The following APBA2 variants were observed in gnomAD, a reference collection of about 807,000 sequenced individuals.
APBA2 encodes amyloid beta precursor protein binding family A member 2.
Under a neutral mutation model 75.0 loss-of-function variants are expected in APBA2, and 30 were observed. The ratio of observed to expected loss-of-function variants is 0.40; its 90% CI spans 0.30 to 0.54. The LOEUF (loss-of-function observed/expected upper bound fraction) is 0.54. Ranked by LOEUF, APBA2 falls within the 20% of genes least tolerant of loss-of-function variation. The pLI, the probability that APBA2 is intolerant of heterozygous loss-of-function variation, is 0.49. For missense variants in APBA2, 801 were observed against 1,016.1 expected (o/e 0.79, Z 2.88); for synonymous variants, 444 against 409.6 (o/e 1.08, Z -1.01).
chr15:29,052,365 GA>G (rs2041636209), intron 3 of APBA2, among the ~76,000 whole-genome samples: 1 of 148,620 alleles, frequency 6.7e-6, no homozygotes, highest in African/African-American at 2.5e-5. Flanking sequence ...TGAGGCAGGA[GA>G]ATGGTGTGAA....
At chr15:28,970,793 A>T (rs913769145) in intron 2 of APBA2, among the ~76,000 whole-genome samples, 1 of 151,974 alleles carries the variant, frequency 6.6e-6, no homozygotes, top group South Asian at 2.1e-4. Context: ...AACAACAAGA[A>T]AAAACAAAGC....
chr15:28,940,884 A>G (rs901991314), intron 2 of APBA2, among the ~76,000 whole-genome samples: 2 of 152,186 alleles, frequency 1.3e-5, no homozygotes, highest in African/African-American at 4.8e-5. Context: ...TTAAAAGAGG[A>G]AAAAAACTAT....
rs2043736399 is a variant in APBA2, at chr15:29,094,302, A to C, written c.1240A>C (p.Lys414Gln). 1 of 1,614,226 alleles carries C rather than the reference A, an allele frequency of 6.2e-7. No homozygotes were observed. Among genetic ancestry groups the C allele is most frequent in the African/African-American group, 1.3e-5 (1 of 75,066 alleles). The part of the protein sequence containing the change: ...VKRMQKAAKI[K>Q]KKANSEGDAQ... ...GAGGATGCAAAAGGCTGCTAAGATC[A>C]AGAAAAAAGCGGTGTGTAGGGCCTT... The change falls in exon 8 of 15, where the codon AAG becomes CAG. Residue 414 changes from lysine (K) to glutamine (Q), a missense_variant. Transcript: ENST00000683413.
intron 2 of APBA2, among the ~76,000 whole-genome samples, chr15:28,936,085 A>G (rs184187108): frequency 1.1e-3 from 162 of 152,252 alleles, no homozygotes; most frequent in African/African-American, 3.4e-3. Flanking sequence ...AGGTTTTCCA[A>G]TCTAGTAGAA....
At chr15:28,958,457 G>A (rs952482250) in intron 2 of APBA2, among the ~76,000 whole-genome samples, 4 of 152,250 alleles carry the variant, frequency 2.6e-5, no homozygotes, top group Non-Finnish European at 5.9e-5. Flanking sequence ...AAAGTGTAGC[G>A]TTTTGGGATA....
At chr15:29,039,193 A>G (rs1456025000) in intron 3 of APBA2, among the ~76,000 whole-genome samples, 3 of 144,064 alleles carry the variant, frequency 2.1e-5, no homozygotes, top group African/African-American at 5.1e-5. Flanking sequence ...TTGCTTCCCT[A>G]AGGCCCACCA....
At chr15:28,947,921 TAAAG>T (rs1194126206) in intron 2 of APBA2, among the ~76,000 whole-genome samples, 2 of 152,226 alleles carry the variant, frequency 1.3e-5, no homozygotes, top group Non-Finnish European at 2.9e-5. Flanking sequence ...TATTTATAAA[TAAAG>T]CAGCTTTTCA....
At chr15:29,115,763 A>G (rs2045064791) in intron 14 of APBA2, among the ~76,000 whole-genome samples, 1 of 152,202 alleles carries the variant, frequency 6.6e-6, no homozygotes, top group Non-Finnish European at 1.5e-5. Context: ...TGCCGGGAGC[A>G]GGAGCAGCGG....
Position 28,918,544 on chromosome 15 carries a change from C to T in APBA2, c.-204-3096C>T, listed in dbSNP as rs1196495704. Among the ~76,000 whole-genome samples, 1 of 151,840 alleles carries T rather than the reference C, an allele frequency of 6.6e-6. No individual in the cohort carries two copies. The highest frequency in any genetic ancestry group is 1.5e-5 in the Non-Finnish European group (1 of 67,956). On this transcript the variant is annotated intron_variant, in intron 1 of 14. Coordinates refer to ENST00000683413, the MANE Select transcript of APBA2 (RefSeq NM_001353788.2). This position sits in a 1 kb window ranked among gnomAD's most constrained non-coding sequence, Gnocchi z 4.2. The stretch of plus-strand genomic sequence containing the variant: ...TCCACCAGCCTTCCCTTTGGTCGCC[C>T]CCTGGCGTCCGCGTCATTGTGGGAA...
Position 29,054,805 on chromosome 15 carries a change from A to G in APBA2, c.921A>G (p.Pro307=), listed in dbSNP as rs2041805583. The G allele has an allele frequency of 1.2e-6, 2 of 1,600,950 alleles. No individual in the cohort carries two copies. The highest frequency in any genetic ancestry group is 1.7e-6 in the Non-Finnish European group (2 of 1,179,898). ...QRGFKPKTRT[P]EERLKWPHEQ... Reference sequence around the variant, plus strand: ...GCTTCAAGCCCAAGACCAGGACCCCAGAAGAGAGGCTGAAGTGGCCCCACG... The same window carrying G: ...GCTTCAAGCCCAAGACCAGGACCCCGGAAGAGAGGCTGAAGTGGCCCCACG... The change falls in exon 4 of 15, where the codon CCA becomes CCG. Residue 307 remains proline, a synonymous_variant. Coordinates refer to ENST00000683413, the MANE Select transcript of APBA2 (RefSeq NM_001353788.2). This position sits in a 1 kb window ranked among gnomAD's most constrained non-coding sequence, Gnocchi z 6.1.
chr15:29,072,331 C>T (rs372095896), intron 4 of APBA2, among the ~76,000 whole-genome samples: 8 of 152,012 alleles, frequency 5.3e-5, no homozygotes, highest in African/African-American at 1.9e-4. Context: ...GGTAAAATAC[C>T]GACGTGTGCT....
intron 3 of APBA2, among the ~76,000 whole-genome samples, chr15:29,051,553 G>A (rs538377217): frequency 3.6e-4 from 55 of 152,126 alleles, no homozygotes; most frequent in Non-Finnish European, 6.9e-4. Context: ...ATCAGTAATT[G>A]TGCCCACACT....
rs1285510361 is a variant in APBA2, at chr15:28,918,084, G to A, written c.-204-3556G>A. On this transcript the variant is annotated intron_variant, in intron 1 of 14. Coordinates refer to ENST00000683413, the MANE Select transcript of APBA2 (RefSeq NM_001353788.2). The surrounding 1 kb of genome is among the most constrained non-coding windows in gnomAD (Gnocchi z 4.2). The stretch of plus-strand genomic sequence containing the variant: ...CCCAGATAGGGATAAGAATCACCGC[G>A]AGTGTTTGCTGAGCACTTGGGAGGC... Among the ~76,000 whole-genome samples, 2 of 152,212 alleles carry A rather than the reference G, an allele frequency of 1.3e-5. No homozygotes were observed. The highest frequency in any genetic ancestry group is 4.8e-5 in the African/African-American group (2 of 41,456).
intron 2 of APBA2, among the ~76,000 whole-genome samples, chr15:28,922,321 C>G (rs987629076): frequency 1.3e-5 from 2 of 152,204 alleles, no homozygotes; most frequent in African/African-American, 4.8e-5. Context: ...CAGGCACCAC[C>G]AGTGTGGGCA....
chr15:28,942,355 C>A (rs1232153128), intron 2 of APBA2, among the ~76,000 whole-genome samples: 1 of 152,180 alleles, frequency 6.6e-6, no homozygotes, highest in Non-Finnish European at 1.5e-5. Flanking sequence ...CTGGGGTCTG[C>A]GCTTTACTAG....
Position 29,054,821 on chromosome 15 carries a change from T to C in APBA2, c.937T>C (p.Trp313Arg). 1 of 1,599,188 alleles carries C rather than the reference T, an allele frequency of 6.3e-7. No individual in the cohort carries two copies. Among genetic ancestry groups the C allele is most frequent in the Non-Finnish European group, 8.5e-7 (1 of 1,179,620 alleles). The change falls in exon 4 of 15, where the codon TGG becomes CGG. Residue 313 changes from tryptophan to arginine, a missense_variant. Physicochemically the swap from Trp to Arg is moderately radical, Grantham distance 101. Coordinates refer to ENST00000683413, the MANE Select transcript of APBA2 (RefSeq NM_001353788.2). The surrounding 1 kb of genome is among the most constrained non-coding windows in gnomAD (Gnocchi z 6.1). ...KTRTPEERLK[W>R]PHEQVCNGLE... ...CAGGACCCCAGAAGAGAGGCTGAAG[T>C]GGCCCCACGAGCAGGTAGGACCCTG...
At chr15:28,914,477 C>T (rs2033575616) in intron 1 of APBA2, among the ~76,000 whole-genome samples, 2 of 152,186 alleles carry the variant, frequency 1.3e-5, no homozygotes, top group South Asian at 2.1e-4. Flanking sequence ...TGCCTTTGTT[C>T]TTCTGTGACG....
At chr15:28,988,460 C>T (rs1191781971) in intron 2 of APBA2, among the ~76,000 whole-genome samples, 1 of 152,048 alleles carries the variant, frequency 6.6e-6, no homozygotes, top group Admixed American at 6.6e-5. Context: ...GACGAGGTTT[C>T]GCCATGTTGG....
intron 1 of APBA2, among the ~76,000 whole-genome samples, chr15:28,905,372 A>G (rs1819633588): frequency 6.6e-6 from 1 of 152,108 alleles, no homozygotes; most frequent in African/African-American, 2.4e-5. Flanking sequence ...GGACTTGACT[A>G]TTTTCTATGC....
Sources: allele counts gnomAD v4.1 joint callset (sites outside exome capture counted in the v4.1 genomes callset), GRCh38; gene constraint gnomAD v4.1.1; non-coding constraint Gnocchi (gnomAD v3.1); transcripts MANE v1.5; gene names NCBI Gene and HGNC (gene_info 2026-07-23, HGNC 2026-07-21).